The following ARPC2 variants were observed in gnomAD, a reference collection of about 807,000 sequenced individuals.
ARPC2 encodes the protein actin related protein 2/3 complex subunit 2.
ARPC2 carries 4 observed loss-of-function variants against 38.6 expected under a neutral mutation model. That is an observed-to-expected ratio of 0.10 (90% CI 0.05 to 0.24). The LOEUF (loss-of-function observed/expected upper bound fraction) is 0.24. ARPC2 is among the 10% of genes least tolerant of loss of function. The probability of loss-of-function intolerance (pLI) is 1.00; values close to 1 mark genes in which losing one functional copy is unlikely to be tolerated. For synonymous variants in ARPC2, 125 were observed against 140.8 expected, an observed-to-expected ratio of 0.89 and a Z score of 0.79; for missense variants, 229 against 387.3, an observed-to-expected ratio of 0.59 and a Z score of 3.43.
At chr2:218,232,333 T>C (rs1689653762) in intron 4 of ARPC2, among the ~76,000 whole-genome samples, 1 of 152,168 alleles carries the variant, frequency 6.6e-6, no homozygotes, top group African/African-American at 2.4e-5. Context: ...GCAGTCACGG[T>C]GACAGAGAAA....
intron 2 of ARPC2, among the ~76,000 whole-genome samples, chr2:218,219,638 TTCC>T (rs1689340005): frequency 6.6e-6 from 1 of 152,118 alleles, no homozygotes; most frequent in African/African-American, 2.4e-5. Flanking sequence ...CACTGCTCCT[TTCC>T]TCAGGACATT....
intron 3 of ARPC2, among the ~76,000 whole-genome samples, chr2:218,226,626 CAAAAAA>C (rs34789459): frequency 1.6e-5 from 1 of 61,460 alleles, no homozygotes; most frequent in Non-Finnish European, 2.8e-5. Context: ...GACTCCATCT[CAAAAAA>C]AAAAAAAAAA....
At chr2:218,226,008 A>T in intron 3 of ARPC2, 54 bp downstream of exon 3, 1 of 1,589,518 alleles carries the variant, frequency 6.3e-7, no homozygotes, top group South Asian at 1.1e-5. Flanking sequence ...GAAAAATAGG[A>T]AATAGGCTGG....
At chr2:218,235,139 A>C in intron 5 of ARPC2, 1 of 293,376 alleles carries the variant, frequency 3.4e-6, no homozygotes, top group South Asian at 2.9e-5. Context: ...GTTCTCTGTC[A>C]CTCTTAACAG....
chr2:218,245,167 G>T (rs1407481157), intron 7 of ARPC2, among the ~76,000 whole-genome samples: 1 of 152,216 alleles, frequency 6.6e-6, no homozygotes, highest in African/African-American at 2.4e-5. Flanking sequence ...AAAGGAAAAG[G>T]ATTATCACTA....
At chr2:218,226,105 G>C in intron 3 of ARPC2, 151 bp downstream of exon 3, 6 of 743,864 alleles carry the variant, frequency 8.1e-6, no homozygotes, top group Non-Finnish European at 1.3e-5. Flanking sequence ...GAACAGCCTG[G>C]CAAACATGGT....
At chr2:218,233,459 T>C (rs555018308) in intron 4 of ARPC2, 1 of 152,214 alleles carries the variant, frequency 6.6e-6, no homozygotes, top group South Asian at 2.1e-4. Flanking sequence ...TTTGTTGTTG[T>C]TTTCATTTAA....
chr2:218,227,260 C>G (rs149134379), intron 3 of ARPC2, among the ~76,000 whole-genome samples: 13 of 152,240 alleles, frequency 8.5e-5, no homozygotes, highest in Middle Eastern at 3.4e-3. Flanking sequence ...GTCCTGTGTA[C>G]TGCAGAAAGA....
chr2:218,232,509 T>C lies in ARPC2; in HGVS notation c.223-1843T>C, dbSNP rs1301027011. ...CTTCGTGCCCTTTCCCGTCATCCTG[T>C]AGCAAAAGGCAGAAGGGCAAGAGAG... On this transcript the variant is annotated intron_variant, in intron 4 of 10. Transcript: ENST00000315717. 7.9e-5 allele frequency among the ~76,000 whole-genome samples: 12 copies of C among 151,188 alleles called. No individual in the cohort carries two copies. The East Asian group carries it at 2.0e-3, about 25-fold the overall frequency.
rs189193752 is a variant in ARPC2, at chr2:218,243,601, C to G, written c.550-1819C>G. 1.6e-4 allele frequency among the ~76,000 whole-genome samples: 25 copies of G among 152,240 alleles called. No individual in the cohort carries two copies. The East Asian group carries it at 4.8e-3, about 29-fold the overall frequency. On this transcript the variant is annotated intron_variant, in intron 7 of 10. Transcript: ENST00000315717. ...ACCAGCCTGGCCAACATGGTGAAAC[C>G]CTGTTTCTACTTTAAAGGCCAAAAA...
chr2:218,242,563 G>A (rs1211324910), intron 7 of ARPC2, among the ~76,000 whole-genome samples: 2 of 152,088 alleles, frequency 1.3e-5, no homozygotes, highest in African/African-American at 4.8e-5. Flanking sequence ...AGTAATTTTG[G>A]TAGACATTGC....
Position 218,239,737 on chromosome 2 carries a change from GCATGCACCACCACACC to G in ARPC2, c.549+256_549+271del, listed in dbSNP as rs889246476. 2.0e-5 allele frequency among the ~76,000 whole-genome samples: 3 copies of G among 151,834 alleles called. No homozygotes were observed. The East Asian group carries it at 5.8e-4, about 29-fold the overall frequency. ...ACCTCCTGAGTAGCTGGGATTGTAGGCATGCACCACCACACCCAGCTAATTTTGTATTTTTAGTAGA... is the reference window on the plus strand; with the variant it reads ...ACCTCCTGAGTAGCTGGGATTGTAGGCAGCTAATTTTGTATTTTTAGTAGA... On this transcript the variant is annotated intron_variant, in intron 7 of 10. Transcript: ENST00000315717.
At chr2:218,249,762 AGCAAAGC>A (rs1690137476) in intron 9 of ARPC2, 52 bp from the exon 10 acceptor site, 4 of 1,506,918 alleles carry the variant, frequency 2.7e-6, no homozygotes, top group Non-Finnish European at 3.6e-6. Flanking sequence ...GATGAAAGAC[AGCAAAGC>A]TGTCTTTCTA....
chr2:218,254,034 C>A lies in ARPC2; in HGVS notation c.*119C>A. On this transcript the variant is annotated 3_prime_UTR_variant, in exon 11 of 11. Transcript: ENST00000315717. The stretch of plus-strand genomic sequence containing the variant: ...TCTTAAGGGATTCTCCGTTTTGGTT[C>A]CATTTTGTACACGTTTGGAAAATAA... The A allele has an allele frequency of 7.4e-7, 1 of 1,349,678 alleles. No homozygotes were observed. Among genetic ancestry groups the A allele is most frequent in the Admixed American group, 2.0e-5 (1 of 50,632 alleles). The allele number at this position is 1,349,678 out of a possible 1,614,324, so 83.6% of individuals were successfully genotyped here. A position where few individuals can be genotyped will look rare whatever the true frequency, so the allele number is the denominator to read the frequency against.
intron 4 of ARPC2, among the ~76,000 whole-genome samples, chr2:218,231,912 T>C (rs1689642356): frequency 1.4e-5 from 2 of 143,002 alleles, no homozygotes; most frequent in South Asian, 4.3e-4. Context: ...AAGCCCAGCC[T>C]GGGCAACGTA....
At chr2:218,235,207 C>T (rs921557534) in intron 5 of ARPC2, 3 of 241,572 alleles carry the variant, frequency 1.2e-5, no homozygotes, top group East Asian at 2.5e-4. Flanking sequence ...CAGTCTCATT[C>T]TGTTGCCCAG....
chr2:218,253,554 T>C (rs947769216), intron 10 of ARPC2, among the ~76,000 whole-genome samples: 1 of 152,224 alleles, frequency 6.6e-6, no homozygotes, highest in Non-Finnish European at 1.5e-5. Flanking sequence ...AAGAAGACGG[T>C]TTGAGCCTAG....
At chr2:218,249,968 C>A in intron 10 of ARPC2, 47 bp downstream of exon 10, 1 of 1,492,484 alleles carries the variant, frequency 6.7e-7, no homozygotes, top group East Asian at 2.4e-5. Context: ...CCTGAGTCAC[C>A]GAGAAGGAAG....
chr2:218,238,359 T>G (rs1689822486), intron 5 of ARPC2, among the ~76,000 whole-genome samples: 1 of 152,338 alleles, frequency 6.6e-6, no homozygotes, highest in African/African-American at 2.4e-5. Context: ...TAATTAGTCA[T>G]CTTTGATACT....
Sources: gnomAD v4.1 joint callset for allele counts (sites outside exome capture counted in the v4.1 genomes callset) on GRCh38, gnomAD v4.1.1 for gene constraint, MANE v1.5 for transcripts, NCBI Gene and HGNC (gene_info 2026-07-23, HGNC 2026-07-21) for gene names.